Variants in NF1 observed in about 807,000 individuals in gnomAD.
NF1 encodes neurofibromin 1.
In NF1, 122 loss-of-function variants were observed where a neutral mutation model predicts 325.7. The ratio of observed to expected loss-of-function variants is 0.37; its 90% CI spans 0.32 to 0.44. The LOEUF (loss-of-function observed/expected upper bound fraction) is 0.44. Among genes scored for constraint, NF1 ranks in the 20% least tolerant of loss-of-function variants. The probability of loss-of-function intolerance (pLI) is 1.00; values close to 1 mark genes in which losing one functional copy is unlikely to be tolerated. For missense variants in NF1, 2,140 were observed against 3,415.4 expected (o/e 0.63, Z 9.31); for synonymous variants, 1,091 against 1,186.0 (o/e 0.92, Z 1.65).
At chr17:31,322,901 T>C (rs1332650717) in intron 36 of NF1, among the ~76,000 whole-genome samples, 1 of 152,178 alleles carries the variant, frequency 6.6e-6, no homozygotes, top group African/African-American at 2.4e-5. Flanking sequence ...AGTACTATTT[T>C]AGATCCTTAT....
chr17:31,286,426 A>G (rs1274157358), intron 36 of NF1, among the ~76,000 whole-genome samples: 1 of 152,150 alleles, frequency 6.6e-6, no homozygotes, highest in African/African-American at 2.4e-5. Flanking sequence ...AGCTTTTACA[A>G]GGTGTCTCTA....
At chr17:31,349,661 T>A (rs560761052) in intron 49 of NF1, among the ~76,000 whole-genome samples, 1 of 152,346 alleles carries the variant, frequency 6.6e-6, no homozygotes, top group Non-Finnish European at 1.5e-5. Flanking sequence ...TGCCATCTCC[T>A]ACAAGCAACT....
intron 29 of NF1, among the ~76,000 whole-genome samples, chr17:31,241,616 A>G (rs954069849): frequency 6.6e-6 from 1 of 152,246 alleles, no homozygotes; most frequent in African/African-American, 2.4e-5. Context: ...TAAAGCAGCA[A>G]ACAAAGAAGC....
chr17:31,304,663 G>T (rs1424193506), intron 36 of NF1: 1 of 1,614,020 alleles, frequency 6.2e-7, no homozygotes, highest in South Asian at 1.1e-5. Flanking sequence ...ATCTTCTGAT[G>T]TACCATTTAC....
intron 36 of NF1, chr17:31,319,050 A>G (rs758565996): frequency 1.3e-6 from 2 of 1,546,696 alleles, no homozygotes; most frequent in Non-Finnish European, 1.7e-6. Flanking sequence ...ATAATTTGTT[A>G]GTTTGTGAAA....
chr17:31,206,415 C>CA (rs2066624537), intron 12 of NF1, 44 bp downstream of exon 12: 1 of 1,610,904 alleles, frequency 6.2e-7, no homozygotes, highest in African/African-American at 1.3e-5. Context: ...CTTTCTATTG[C>CA]ATTTTTTTTA....
At chr17:31,288,957 T>G (rs749332648) in intron 36 of NF1, among the ~76,000 whole-genome samples, 3 of 152,208 alleles carry the variant, frequency 2.0e-5, no homozygotes, top group Non-Finnish European at 4.4e-5. Context: ...AAACTTAGAC[T>G]CTAGAATAAG....
intron 29 of NF1, among the ~76,000 whole-genome samples, chr17:31,240,708 G>T (rs1422350103): frequency 6.6e-6 from 1 of 152,176 alleles, no homozygotes; most frequent in East Asian, 1.9e-4. Flanking sequence ...AGTGTATGAG[G>T]GTTCCCTTTT....
rs1409875632 is a variant in NF1, at chr17:31,336,024, C to G, written c.6007-309C>G. Among the ~76,000 whole-genome samples the G allele has an allele frequency of 6.6e-6, 1 of 151,932 alleles. No individual in the cohort carries two copies. The highest frequency in any genetic ancestry group is 2.4e-5 in the African/African-American group (1 of 41,360). ...TTCAAATTACTATTTTATATTGATG[C>G]TACATTACTGTCTTAGAAAAGCATA... On this transcript the variant is annotated intron_variant, in intron 40 of 57. Coordinates refer to ENST00000358273, the MANE Select transcript of NF1 (RefSeq NM_001042492.3). The surrounding 1 kb of genome is among the most constrained non-coding windows in gnomAD (Gnocchi z 5.5).
chr17:31,365,356 T>C (rs868642330), intron 57 of NF1, among the ~76,000 whole-genome samples: 2 of 151,192 alleles, frequency 1.3e-5, no homozygotes, highest in Non-Finnish European at 2.9e-5. Context: ...AAATTTAATA[T>C]ATACTTTATC....
rs1307323812 is a variant in NF1, at chr17:31,356,998, T to G, written c.7777T>G (p.Leu2593Val). The G allele has an allele frequency of 6.2e-7, 1 of 1,613,980 alleles. No individual in the cohort carries two copies. Among genetic ancestry groups the G allele is most frequent in the East Asian group, 2.2e-5 (1 of 44,858 alleles). The change falls in exon 53 of 58, where the codon TTA becomes GTA. Residue 2593 changes from leucine (L) to valine (V), a missense_variant. Physicochemically the swap from Leu to Val is conservative, Grantham distance 32. Around this residue, in one of 10 missense-constraint regions of NF1, gnomAD observed 522 missense variants for 749.0 expected, o/e 0.70. Transcript: ENST00000358273. ...RISSSQQHPH[L>V]RKVSVSESNV... The stretch of plus-strand genomic sequence containing the variant: ...TTCCTCATCACAACAGCACCCACAT[T>G]TACGTAAAGTTTCAGTGTCTGAATC...
chr17:31,121,395 C>CTTTTTT (rs71142019), intron 1 of NF1, among the ~76,000 whole-genome samples: 199 of 92,478 alleles, frequency 2.2e-3, no homozygotes, highest in African/African-American at 5.9e-3. Flanking sequence ...AATCACTATT[C>CTTTTTT]TTTTTTTTTT....
intron 13 of NF1, among the ~76,000 whole-genome samples, chr17:31,215,087 G>A (rs969504958): frequency 2.0e-5 from 3 of 152,118 alleles, no homozygotes; most frequent in African/African-American, 7.2e-5. Context: ...GTGAAAATGG[G>A]TGTGGTTAGT....
chr17:31,171,358 A>C (rs571338577), intron 5 of NF1, among the ~76,000 whole-genome samples: 1 of 152,332 alleles, frequency 6.6e-6, no homozygotes, highest in Admixed American at 6.5e-5. Flanking sequence ...TTAAGCGTTG[A>C]GCAGTTGAGA....
At chr17:31,120,371 A>G (rs1160099627) in intron 1 of NF1, among the ~76,000 whole-genome samples, 1 of 152,142 alleles carries the variant, frequency 6.6e-6, no homozygotes, top group East Asian at 1.9e-4. Context: ...CTTTGTAGCA[A>G]TTGTGAATGG....
intron 5 of NF1, among the ~76,000 whole-genome samples, chr17:31,180,834 TG>T (rs1411775573): frequency 1.3e-5 from 2 of 152,238 alleles, no homozygotes; most frequent in African/African-American, 4.8e-5. Context: ...CATGGTTGTA[TG>T]TTTAGAAAAC....
At position 31,352,411 on chromosome 17, in the gene NF1, C is replaced by T. The variant is rs768366978; in HGVS notation, c.7612C>T (p.Leu2538Phe). 6.2e-7 allele frequency: 1 copy of T among 1,608,886 alleles called. No individual in the cohort carries two copies. Among genetic ancestry groups the T allele is most frequent in the Non-Finnish European group, 8.5e-7 (1 of 1,177,594 alleles). The change falls in exon 51 of 58, where the codon CTT (leucine) becomes TTT (phenylalanine). Residue 2538 changes from leucine to phenylalanine, a missense_variant. Transcript: ENST00000358273. ...QPSQANTKKL[L>F]GTRKSFDHLI... is the part of the protein sequence containing the mutation. ...TTCTCAGGCCAACACTAAGAAGTTG[C>T]TTGGTTAGTTTATCTAAATTATGTA...
intron 36 of NF1, among the ~76,000 whole-genome samples, chr17:31,300,472 T>C (rs1386098692): frequency 6.6e-6 from 1 of 152,108 alleles, no homozygotes; most frequent in Non-Finnish European, 1.5e-5. Flanking sequence ...CATATCAGTA[T>C]ATAGGTATCT....
At chr17:31,130,067 A>G (rs1296116708) in intron 1 of NF1, among the ~76,000 whole-genome samples, 5 of 147,024 alleles carry the variant, frequency 3.4e-5, no homozygotes, top group Non-Finnish European at 5.9e-5. Flanking sequence ...CAGTCTTTGA[A>G]GTCGCTGTTT....
Sources: allele counts gnomAD v4.1 joint callset (sites outside exome capture counted in the v4.1 genomes callset), GRCh38; gene constraint gnomAD v4.1.1; regional missense constraint gnomAD v4.1.1; non-coding constraint Gnocchi (gnomAD v3.1); transcripts MANE v1.5; gene names NCBI Gene and HGNC (gene_info 2026-07-23, HGNC 2026-07-21).